PAQR5: variants seen among roughly 807,000 people sequenced by gnomAD.
PAQR5 encodes the protein membrane progestin receptor gamma.
Under a neutral mutation model 34.5 loss-of-function variants are expected in PAQR5, and 20 were observed. The ratio of observed to expected loss-of-function variants is 0.58; its 90% confidence interval spans 0.41 to 0.84. The LOEUF is 0.84. Among genes scored for constraint, PAQR5 ranks in the 40% least tolerant of loss-of-function variants. The probability of loss-of-function intolerance (pLI) is 0.00; values close to 1 mark genes in which losing one functional copy is unlikely to be tolerated. For missense variants in PAQR5, 378 were observed against 412.7 expected (o/e 0.92, Z 0.73); for synonymous variants, 131 against 155.6 (o/e 0.84, Z 1.18).
At chr15:69,301,713 T>C (rs2053607688) in intron 1 of PAQR5, among the ~76,000 whole-genome samples, 1 of 152,046 alleles carries the variant, frequency 6.6e-6, no homozygotes, top group Non-Finnish European at 1.5e-5. Context: ...TGTATTAGCC[T>C]GGCCTCCCTG....
intron 6 of PAQR5, among the ~76,000 whole-genome samples, chr15:69,390,356 A>ATTTT (rs144601337): frequency 0.27 from 36,057 of 131,858 alleles, 5,936 homozygotes; most frequent in South Asian, 0.37. Context: ...TTATTTATTT[A>ATTTT]TTTATTTTTT....
intron 3 of PAQR5, among the ~76,000 whole-genome samples, chr15:69,360,709 G>A (rs1421633509): frequency 2.6e-5 from 4 of 152,226 alleles, no homozygotes; most frequent in African/African-American, 4.8e-5. Context: ...GTGTGCTACA[G>A]AGAACTGGTG....
At chr15:69,397,690 G>A in intron 7 of PAQR5, 126 bp downstream of exon 7, 2 of 711,900 alleles carry the variant, frequency 2.8e-6, no homozygotes, top group East Asian at 2.5e-5. Context: ...TCGAGACCCA[G>A]GTGAAGGGGG....
At chr15:69,374,853 G>T (rs1425519774) in intron 3 of PAQR5, among the ~76,000 whole-genome samples, 5 of 152,104 alleles carry the variant, frequency 3.3e-5, no homozygotes, top group South Asian at 2.1e-4. Context: ...TTCCTCTTCT[G>T]TAGGGAACTG....
chr15:69,346,452 C>T (rs1007275884), intron 2 of PAQR5, among the ~76,000 whole-genome samples: 1 of 151,248 alleles, frequency 6.6e-6, no homozygotes, highest in Non-Finnish European at 1.5e-5. Flanking sequence ...ACCACAGGCA[C>T]ATGCCACCGT....
At chr15:69,348,546 T>C (rs2054831430) in intron 2 of PAQR5, among the ~76,000 whole-genome samples, 1 of 152,156 alleles carries the variant, frequency 6.6e-6, no homozygotes. Flanking sequence ...AGGGGAGAGA[T>C]TCCCTGCTTC....
chr15:69,371,665 C>G (rs1178089615), intron 3 of PAQR5, among the ~76,000 whole-genome samples: 1 of 152,052 alleles, frequency 6.6e-6, no homozygotes, highest in Non-Finnish European at 1.5e-5. Context: ...ATTTTTGTTT[C>G]CTTTTTTGGA....
chr15:69,396,915 C>T (rs2056452443), intron 6 of PAQR5: 2 of 314,690 alleles, frequency 6.4e-6, no homozygotes, highest in South Asian at 5.3e-5. Context: ...AAAGACTTCA[C>T]GTTTATTTAG....
intron 2 of PAQR5, among the ~76,000 whole-genome samples, chr15:69,352,376 A>G (rs967826518): frequency 9.9e-5 from 15 of 152,252 alleles, no homozygotes; most frequent in Admixed American, 9.2e-4. Flanking sequence ...GGGCATGCAC[A>G]GCAGCATTCC....
At chr15:69,310,348 A>C (rs1447341422) in intron 1 of PAQR5, among the ~76,000 whole-genome samples, 1 of 152,208 alleles carries the variant, frequency 6.6e-6, no homozygotes, top group Non-Finnish European at 1.5e-5. Context: ...GTTTGTAAGA[A>C]TGTACCCACC....
intron 3 of PAQR5, among the ~76,000 whole-genome samples, chr15:69,374,890 G>A (rs979044924): frequency 8.5e-5 from 13 of 152,184 alleles, no homozygotes; most frequent in African/African-American, 2.9e-4. Context: ...GTGACAGCAC[G>A]ATGCTGGGGT....
chr15:69,400,115 G>A lies in PAQR5; in HGVS notation c.751G>A (p.Gly251Ser), dbSNP rs933968736. The A allele has an allele frequency of 5.2e-5, 83 of 1,611,452 alleles. No homozygotes were observed. Among genetic ancestry groups the A allele is most frequent in the Non-Finnish European group, 6.4e-5 (75 of 1,178,780 alleles). Residue 251 changes from glycine (G) to serine (S), a missense_variant and splice_region_variant, in exon 8 of 9, where the codon GGT becomes AGT. Transcript: ENST00000395407. ...RLAPGRFDYI[G>S]HSHQLFHVCV... ...AGCCCCTGGACGCTTTGACTACATC[G>A]GTGAGTGGGCAACAGCCCTGCTGCT...
At chr15:69,374,544 G>A (rs899760790) in intron 3 of PAQR5, among the ~76,000 whole-genome samples, 5 of 152,104 alleles carry the variant, frequency 3.3e-5, no homozygotes, top group Non-Finnish European at 7.3e-5. Flanking sequence ...GGGCATAGTG[G>A]CATGTGCCTG....
rs1213751970 is a variant in PAQR5 at position 69,337,510 on chromosome 15, A to T, written c.-116+9A>T. ...AAGGTTCCTGACCTGTGGTAAGTAA[A>T]GAACGTCACTTTCTAACAGGCCCAG... On this transcript the variant is annotated intron_variant, in intron 2 of 8. Coordinates refer to ENST00000395407, the MANE Select transcript of PAQR5 (RefSeq NM_017705.4). 1 of 152,236 alleles carries T rather than the reference A, an allele frequency of 6.6e-6. No individual in the cohort carries two copies. Among genetic ancestry groups the T allele is most frequent in the East Asian group, 1.9e-4 (1 of 5,196 alleles). 9.4% of individuals were successfully genotyped at this position (152,236 alleles called of 1,614,324 possible). A position where few individuals can be genotyped will look rare whatever the true frequency, so the allele number is the denominator to read the frequency against.
At chr15:69,357,586 G>C (rs1449156329) in intron 2 of PAQR5, among the ~76,000 whole-genome samples, 3 of 152,126 alleles carry the variant, frequency 2.0e-5, no homozygotes, top group Non-Finnish European at 4.4e-5. Flanking sequence ...TTATAGCAAT[G>C]CAAGAATGGA....
chr15:69,366,214 G>T (rs2055398776), intron 3 of PAQR5, among the ~76,000 whole-genome samples: 1 of 152,142 alleles, frequency 6.6e-6, no homozygotes, highest in Non-Finnish European at 1.5e-5. Context: ...CAAATATGTG[G>T]CCTTTTCTGA....
chr15:69,370,790 G>C (rs893933712), intron 3 of PAQR5, among the ~76,000 whole-genome samples: 5 of 152,100 alleles, frequency 3.3e-5, no homozygotes, highest in Non-Finnish European at 7.3e-5. Flanking sequence ...CAAAGTGCTG[G>C]GATTACAGGA....
intron 3 of PAQR5, chr15:69,379,432 C>T: frequency 2.0e-6 from 2 of 985,402 alleles, no homozygotes; most frequent in Non-Finnish European, 2.4e-6. Context: ...GTGAATATAT[C>T]CTGGCACCGG....
chr15:69,346,007 C>A (rs534131030), intron 2 of PAQR5, among the ~76,000 whole-genome samples: 8 of 152,278 alleles, frequency 5.3e-5, no homozygotes, highest in South Asian at 2.1e-4. Flanking sequence ...ATTGGCAGAG[C>A]TTTACAGTTA....
Sources: gnomAD v4.1 joint callset for allele counts (sites outside exome capture counted in the v4.1 genomes callset) on GRCh38, gnomAD v4.1.1 for gene constraint, MANE v1.5 for transcripts, NCBI Gene and HGNC (gene_info 2026-07-23, HGNC 2026-07-21) for gene names.